The following GABRG2 variants were observed in gnomAD, a reference collection of about 807,000 sequenced individuals.
GABRG2 encodes gamma-aminobutyric acid receptor subunit gamma-2.
Under a neutral mutation model 56.4 loss-of-function variants are expected in GABRG2, and 16 were observed. The ratio of observed to expected loss-of-function variants is 0.28; its 90% CI spans 0.19 to 0.43. The LOEUF (loss-of-function observed/expected upper bound fraction) is 0.43, where lower values mean the gene tolerates loss of function less well. Among genes scored for constraint, GABRG2 ranks in the 20% least tolerant of loss-of-function variants. GABRG2 has a pLI of 1.00. For missense variants in GABRG2, 327 were observed against 582.7 expected (o/e 0.56, Z 4.52); for synonymous variants, 208 against 205.5 (o/e 1.01, Z -0.10).
intron 7 of GABRG2, among the ~76,000 whole-genome samples, chr5:162,148,787 C>T (rs1048929464): frequency 6.6e-6 from 1 of 152,142 alleles, no homozygotes; most frequent in African/African-American, 2.4e-5. Context: ...TCTCACCATC[C>T]CTGTATTCTC....
In GABRG2 at chr5:162,153,140, T is replaced by G; in HGVS notation, c.1200T>G (p.Asn400Lys). Residue 400 changes from asparagine to lysine, a missense_variant, in exon 10 of 10, where the codon AAT becomes AAG. Transcript: ENST00000639213. ...IRPRSATIQMNNATHLQERDE... is the reference protein window; with the variant it reads ...IRPRSATIQMKNATHLQERDE... ...CAAGATCAGCAACCATTCAAATGAA[T>G]AATGCTACACACCTTCAAGAGAGAG... is the stretch of plus-strand genomic sequence containing the variant. 6.2e-7 allele frequency: 1 copy of G among 1,614,048 alleles called. No homozygotes were observed. The highest frequency in any genetic ancestry group is 8.5e-7 in the Non-Finnish European group (1 of 1,179,950).
At chr5:162,096,390 A>G (rs745619218) in intron 3 of GABRG2, among the ~76,000 whole-genome samples, 9 of 152,158 alleles carry the variant, frequency 5.9e-5, no homozygotes, top group Non-Finnish European at 1.2e-4. Flanking sequence ...TAGGAATAAC[A>G]GTCCCCAGAA....
intron 4 of GABRG2, chr5:162,099,515 T>G (rs2963168): frequency 1 from 152,042 of 152,280 alleles, 75,903 homozygotes; most frequent in Middle Eastern, 1. Flanking sequence ...CAAGCGGTCC[T>G]CAACTCAGCC....
chr5:162,071,389 T>C (rs917603912), intron 1 of GABRG2, among the ~76,000 whole-genome samples: 4 of 151,646 alleles, frequency 2.6e-5, no homozygotes, highest in Non-Finnish European at 4.4e-5. Context: ...TGTAATATAC[T>C]TAGAGTGACA....
chr5:162,069,651 A>G (rs1016022770), intron 1 of GABRG2, among the ~76,000 whole-genome samples: 4 of 152,146 alleles, frequency 2.6e-5, no homozygotes, highest in Non-Finnish European at 4.4e-5. Context: ...CTAATTTACT[A>G]TAAAAATAGA....
At chr5:162,078,390 TATA>T (rs1161726189) in intron 1 of GABRG2, among the ~76,000 whole-genome samples, 1,750 of 42,782 alleles carry the variant, frequency 0.041, 108 homozygotes, top group African/African-American at 0.055. Flanking sequence ...TATATATATA[TATA>T]TATATTTTTT....
At chr5:162,137,598 T>A (rs369070579) in intron 6 of GABRG2, among the ~76,000 whole-genome samples, 184 of 152,336 alleles carry the variant, frequency 1.2e-3, no homozygotes, top group African/African-American at 3.9e-3. Context: ...GGGAATTCTT[T>A]ATGTACTGGT....
chr5:162,120,249 A>G (rs1762894985), intron 6 of GABRG2, among the ~76,000 whole-genome samples: 1 of 152,112 alleles, frequency 6.6e-6, no homozygotes, highest in Admixed American at 6.6e-5. Context: ...CTTTGCACCC[A>G]TACATCTGTC....
intron 6 of GABRG2, among the ~76,000 whole-genome samples, chr5:162,125,245 A>G (rs1175102231): frequency 6.6e-6 from 1 of 151,366 alleles, no homozygotes; most frequent in Admixed American, 6.6e-5. Context: ...ATTTATTTCC[A>G]GTTGAATCAT....
At chr5:162,097,985 T>C (rs1349837183) in intron 4 of GABRG2, 127 bp downstream of exon 4, 1 of 790,102 alleles carries the variant, frequency 1.3e-6, no homozygotes, top group Non-Finnish European at 2.1e-6. Flanking sequence ...AGGGTTGGCA[T>C]GCTATCAATT....
rs1016459205 is a variant in GABRG2 at position 162,098,002 on chromosome 5, T to A, written c.548+144T>A. 8.7e-6 allele frequency: 6 copies of A among 688,452 alleles called. No homozygotes were observed. The South Asian group carries it at 1.1e-4, about 12-fold the overall frequency. 42.6% of individuals were successfully genotyped at this position (688,452 alleles called of 1,614,324 possible). ...GGTTGGCATGCTATCAATTAGTATA[T>A]GACATCAAAACATTAGTTTTTTCTT... On this transcript the variant is annotated intron_variant, in intron 4 of 9. Transcript: ENST00000639213.
At chr5:162,141,977 G>A (rs759588869) in intron 6 of GABRG2, among the ~76,000 whole-genome samples, 187 bp from the exon 7 acceptor site, 9 of 152,014 alleles carry the variant, frequency 5.9e-5, no homozygotes, top group Middle Eastern at 3.2e-3. Context: ...AAAAGAGTTG[G>A]GATTCAGTTC....
chr5:162,082,801 TAAC>T (rs139280034), intron 1 of GABRG2, among the ~76,000 whole-genome samples: 18,975 of 151,528 alleles, frequency 0.13, 1,359 homozygotes, highest in Middle Eastern at 0.21. Flanking sequence ...AGAACAGTAC[TAAC>T]AACAAGAAGA....
At chr5:162,078,981 T>C (rs1478721086) in intron 1 of GABRG2, among the ~76,000 whole-genome samples, 1 of 150,116 alleles carries the variant, frequency 6.7e-6, no homozygotes, top group Non-Finnish European at 1.5e-5. Context: ...AATAATTAAA[T>C]TTATTTAATT....
intron 6 of GABRG2, among the ~76,000 whole-genome samples, chr5:162,123,396 G>T (rs1256378893): frequency 6.8e-6 from 1 of 146,908 alleles, no homozygotes; most frequent in Non-Finnish European, 1.5e-5. Flanking sequence ...AATTATTTTT[G>T]CATGATGATG....
chr5:162,102,602 C>T, intron 5 of GABRG2: 1 of 452,176 alleles, frequency 2.2e-6, no homozygotes, highest in Non-Finnish European at 4.4e-6. Context: ...GTGATCTCGG[C>T]TCACTACAGC....
chr5:162,141,976 G>A (rs955318882), intron 6 of GABRG2, among the ~76,000 whole-genome samples, 188 bp from the exon 7 acceptor site: 10 of 152,078 alleles, frequency 6.6e-5, no homozygotes, highest in Admixed American at 1.3e-4. Flanking sequence ...TAAAAGAGTT[G>A]GGATTCAGTT....
At position 162,104,036 on chromosome 5, in the gene GABRG2, AC is replaced by A; in HGVS notation, c.769+11del. Reference sequence around the variant, plus strand: ...GTGAAGACAACTTCCGGTAAGATGCACTGGCAAAGAATTTCAAGTGACCCTT... The same window carrying A: ...GTGAAGACAACTTCCGGTAAGATGCATGGCAAAGAATTTCAAGTGACCCTT... On this transcript the variant is annotated intron_variant, in intron 6 of 9. Coordinates refer to ENST00000639213, the MANE Select transcript of GABRG2 (RefSeq NM_198904.4). 6.2e-7 allele frequency: 1 copy of A among 1,613,846 alleles called. No homozygotes were observed. Among genetic ancestry groups the A allele is most frequent in the Non-Finnish European group, 8.5e-7 (1 of 1,179,824 alleles).
At position 162,095,527 on chromosome 5, in the gene GABRG2, G is replaced by C. The variant is rs751432250; in HGVS notation, c.292G>C (p.Val98Leu). Reference protein sequence around the residue: ...KPTLIHTDMYVNSIGPVNAIN... With the variant: ...KPTLIHTDMYLNSIGPVNAIN... ...AACGTTAATTCACACAGACATGTAT[G>C]TGAATAGCATTGGTCCAGTGAACGC... is the stretch of plus-strand genomic sequence containing the variant. Residue 98 changes from valine (V) to leucine (L), a missense_variant, in exon 3 of 10, where the codon GTG becomes CTG. This residue lies in a region of GABRG2 where 104 missense variants were observed against 209.3 expected (regional missense o/e 0.50). Coordinates refer to ENST00000639213, the MANE Select transcript of GABRG2 (RefSeq NM_198904.4). The C allele has an allele frequency of 6.2e-7, 1 of 1,610,006 alleles. No homozygotes were observed. Among genetic ancestry groups the C allele is most frequent in the East Asian group, 2.2e-5 (1 of 44,664 alleles).
Sources: allele counts gnomAD v4.1 joint callset (sites outside exome capture counted in the v4.1 genomes callset), GRCh38; gene constraint gnomAD v4.1.1; regional missense constraint gnomAD v4.1.1; transcripts MANE v1.5; gene names NCBI Gene and HGNC (gene_info 2026-07-23, HGNC 2026-07-21).